Variants in SGCZ observed in about 807,000 individuals in gnomAD.
SGCZ encodes sarcoglycan zeta.
Under a neutral mutation model 41.3 loss-of-function variants are expected in SGCZ, and 40 were observed. The ratio of observed to expected loss-of-function variants is 0.97; its 90% CI spans 0.75 to 1.26. The LOEUF is 1.26. SGCZ is among the 50% of genes most tolerant of loss of function. The pLI, the probability that SGCZ is intolerant of heterozygous loss-of-function variation, is 0.00. For missense variants in SGCZ, 552 were observed against 369.8 expected, an observed-to-expected ratio of 1.49 and a Z score of -4.04; for synonymous variants, 206 against 137.5, an observed-to-expected ratio of 1.50 and a Z score of -3.49.
intron 1 of SGCZ, among the ~76,000 whole-genome samples, chr8:15,021,939 G>A (rs2130943654): frequency 6.6e-6 from 1 of 152,230 alleles, no homozygotes; most frequent in Middle Eastern, 3.4e-3. Context: ...ACTTTTCTAA[G>A]AAACATCCTG....
At chr8:14,527,017 A>G (rs986636428) in intron 2 of SGCZ, among the ~76,000 whole-genome samples, 2 of 152,140 alleles carry the variant, frequency 1.3e-5, no homozygotes, top group Middle Eastern at 6.8e-3. Flanking sequence ...CGCTTTCTCA[A>G]TATTCTGAGA....
chr8:14,692,631 G>C (rs954374716), intron 1 of SGCZ, among the ~76,000 whole-genome samples: 1 of 152,098 alleles, frequency 6.6e-6, no homozygotes, highest in South Asian at 2.1e-4. Context: ...AATATGCTTT[G>C]CTATCTAATA....
chr8:14,374,490 T>A (rs1259439926), intron 2 of SGCZ, among the ~76,000 whole-genome samples: 1 of 152,080 alleles, frequency 6.6e-6, no homozygotes, highest in Non-Finnish European at 1.5e-5. Context: ...TCCAGTGAAA[T>A]AAGAATGGTC....
chr8:14,769,817 C>CAAAAAAAAAAAAAAAAAAA, intron 1 of SGCZ, among the ~76,000 whole-genome samples: 1 of 90,540 alleles, frequency 1.1e-5, no homozygotes, highest in South Asian at 3.1e-4. Flanking sequence ...AAAAAAAAAC[C>CAAAAAAAAAAAAAAAAAAA]CAGCAACAAA....
intron 3 of SGCZ, among the ~76,000 whole-genome samples, chr8:14,285,249 GCTTAGT>G (rs1159731818): frequency 6.6e-6 from 1 of 152,082 alleles, no homozygotes; most frequent in African/African-American, 2.4e-5. Flanking sequence ...AGGCTTCAGA[GCTTAGT>G]CTTAGTCTTG....
intron 1 of SGCZ, among the ~76,000 whole-genome samples, chr8:14,588,270 A>G (rs1344543184): frequency 6.6e-6 from 1 of 152,004 alleles, no homozygotes; most frequent in African/African-American, 2.4e-5. Flanking sequence ...GGATTTGCAT[A>G]AAATCAAGAT....
chr8:15,095,341 C>T (rs146556049), intron 1 of SGCZ, among the ~76,000 whole-genome samples: 4 of 152,096 alleles, frequency 2.6e-5, no homozygotes, highest in African/African-American at 4.8e-5. Context: ...TCAAGTGATG[C>T]GCCTGCCTCG....
intron 1 of SGCZ, among the ~76,000 whole-genome samples, chr8:15,165,106 A>G (rs1202480456): frequency 6.6e-6 from 1 of 152,150 alleles, no homozygotes; most frequent in Non-Finnish European, 1.5e-5. Context: ...CCTGACCAAC[A>G]TGGTGAAACC....
At chr8:15,182,059 C>A (rs498857) in intron 1 of SGCZ, among the ~76,000 whole-genome samples, 72,021 of 151,876 alleles carry the variant, frequency 0.47, 18,516 homozygotes, top group Non-Finnish European at 0.57. Context: ...ATAGAGGAAA[C>A]CATTTTATTC....
At chr8:14,640,956 C>T (rs981630534) in intron 1 of SGCZ, among the ~76,000 whole-genome samples, 7 of 151,616 alleles carry the variant, frequency 4.6e-5, no homozygotes, top group Non-Finnish European at 8.9e-5. Flanking sequence ...TCCCTGAAGG[C>T]TATAAAGTTA....
At chr8:15,178,428 A>G (rs979526470) in intron 1 of SGCZ, among the ~76,000 whole-genome samples, 1 of 152,148 alleles carries the variant, frequency 6.6e-6, no homozygotes, top group African/African-American at 2.4e-5. Context: ...AATGGGACTC[A>G]TGTCTATATT....
intron 2 of SGCZ, among the ~76,000 whole-genome samples, chr8:14,349,387 A>G (rs1803007907): frequency 1.3e-5 from 2 of 152,088 alleles, no homozygotes; most frequent in Non-Finnish European, 2.9e-5. Flanking sequence ...TATAGTATAT[A>G]TTTGTGGATT....
intron 3 of SGCZ, among the ~76,000 whole-genome samples, chr8:14,255,899 C>G (rs1476681275): frequency 2.0e-5 from 3 of 151,982 alleles, no homozygotes; most frequent in Non-Finnish European, 2.9e-5. Context: ...GACAATAGCC[C>G]AATTAGATAC....
intron 1 of SGCZ, among the ~76,000 whole-genome samples, chr8:14,639,492 T>C (rs930426475): frequency 1.3e-5 from 2 of 151,754 alleles, no homozygotes; most frequent in African/African-American, 4.8e-5. Context: ...TACCGCATTT[T>C]CTTTCTTCGG....
At chr8:14,353,840 A>T (rs1297820124) in intron 2 of SGCZ, among the ~76,000 whole-genome samples, 1 of 152,096 alleles carries the variant, frequency 6.6e-6, no homozygotes, top group Non-Finnish European at 1.5e-5. Context: ...AGATGAAAAA[A>T]ATCAACTAAC....
Position 14,798,399 on chromosome 8 carries a change from T to G in SGCZ, c.40-243473A>C, listed in dbSNP as rs553504861. Among the ~76,000 whole-genome samples the G allele has an allele frequency of 2.0e-5, 3 of 152,332 alleles. No homozygotes were observed. In the South Asian group the frequency reaches 6.2e-4, roughly 32 times the overall value. ...CATAAAGTATGTTACTTACAGGCTTTAATTTTATAGATGCCATTCTCTGGA... is the reference window on the plus strand; with the variant it reads ...CATAAAGTATGTTACTTACAGGCTTGAATTTTATAGATGCCATTCTCTGGA... On this transcript the variant is annotated intron_variant, in intron 1 of 7. Transcript: ENST00000382080.
intron 1 of SGCZ, among the ~76,000 whole-genome samples, chr8:14,739,195 A>G (rs1391463380): frequency 6.6e-6 from 1 of 152,102 alleles, no homozygotes; most frequent in Non-Finnish European, 1.5e-5. Context: ...GGTGGAAAAT[A>G]AGATTTAAGA....
intron 1 of SGCZ, among the ~76,000 whole-genome samples, chr8:14,821,827 CATACGGGACAA>C (rs1373703550): frequency 2.0e-5 from 3 of 151,806 alleles, no homozygotes; most frequent in Non-Finnish European, 2.9e-5. Flanking sequence ...CAATAAAGGC[CATACGGGACAA>C]ATCCACAGCT....
chr8:15,071,215 T>A (rs1805339170), intron 1 of SGCZ, among the ~76,000 whole-genome samples: 2 of 152,196 alleles, frequency 1.3e-5, no homozygotes, highest in Non-Finnish European at 2.9e-5. Flanking sequence ...CTTGATGAAA[T>A]CAGCTTATCA....
Sources: gnomAD v4.1 joint callset for allele counts (sites outside exome capture counted in the v4.1 genomes callset) on GRCh38, gnomAD v4.1.1 for gene constraint, MANE v1.5 for transcripts, NCBI Gene and HGNC (gene_info 2026-07-23, HGNC 2026-07-21) for gene names.